The following POLN variants were observed in gnomAD, a reference collection of about 807,000 sequenced individuals.
The protein encoded by POLN is DNA polymerase nu.
A neutral mutation model predicts 113.5 loss-of-function variants in POLN; 108 were observed. The observed-to-expected ratio is 0.95, with a 90% CI of 0.81 to 1.12. POLN has a LOEUF of 1.12. Among genes scored for constraint, POLN ranks in the 50% most tolerant of loss-of-function variants. The pLI is 0.00. For missense variants in POLN, 1,097 were observed against 1,077.1 expected, an observed-to-expected ratio of 1.02 and a Z score of -0.26; for synonymous variants, 386 against 391.5, an observed-to-expected ratio of 0.99 and a Z score of 0.17.
chr4:2,234,781 T>C (rs2108777241), intron 2 of POLN, among the ~76,000 whole-genome samples: 1 of 152,324 alleles, frequency 6.6e-6, no homozygotes, highest in Admixed American at 6.5e-5. Flanking sequence ...TTCACTGCAA[T>C]TTAAAACGAC....
At chr4:2,145,362 G>A (rs1732110310) in intron 16 of POLN, among the ~76,000 whole-genome samples, 1 of 151,926 alleles carries the variant, frequency 6.6e-6, no homozygotes, top group Non-Finnish European at 1.5e-5. Context: ...TCCAATCTGA[G>A]AAAAACAAAC....
chr4:2,113,284 C>G (rs1394257148), intron 19 of POLN, among the ~76,000 whole-genome samples: 1 of 149,470 alleles, frequency 6.7e-6, no homozygotes, highest in African/African-American at 2.5e-5. Flanking sequence ...ATACCTAATG[C>G]TAAATGACGA....
intron 19 of POLN, among the ~76,000 whole-genome samples, chr4:2,104,375 CAT>C (rs1264545982): frequency 1.3e-5 from 2 of 152,136 alleles, no homozygotes; most frequent in Non-Finnish European, 1.5e-5. Context: ...TTTGTGTGGA[CAT>C]ATGTTTCCAT....
chr4:2,117,249 C>G (rs1731339647), intron 19 of POLN, among the ~76,000 whole-genome samples: 1 of 152,230 alleles, frequency 6.6e-6, no homozygotes. Flanking sequence ...ATTCACATCA[C>G]TGGCTGAAGC....
chr4:2,131,454 T>C (rs905227710), intron 16 of POLN, among the ~76,000 whole-genome samples, 164 bp from the exon 17 acceptor site: 2 of 152,206 alleles, frequency 1.3e-5, no homozygotes, highest in Non-Finnish European at 2.9e-5. Context: ...TATCAAAACA[T>C]AATTTTGGTG....
intron 13 of POLN, among the ~76,000 whole-genome samples, chr4:2,163,187 T>C (rs897036382): frequency 6.6e-6 from 1 of 152,012 alleles, no homozygotes; most frequent in Non-Finnish European, 1.5e-5. Flanking sequence ...AACACAAGAG[T>C]TGTGGCCATA....
At chr4:2,165,977 A>T (rs1732719308) in intron 13 of POLN, among the ~76,000 whole-genome samples, 1 of 151,984 alleles carries the variant, frequency 6.6e-6, no homozygotes, top group Non-Finnish European at 1.5e-5. Flanking sequence ...TGGTCTCACT[A>T]TGTTGCCCAG....
chr4:2,236,349 T>C (rs767518155), intron 2 of POLN: 14 of 1,613,024 alleles, frequency 8.7e-6, no homozygotes, highest in Non-Finnish European at 1.1e-5. Flanking sequence ...CAACTGATCT[T>C]GTACTAAAGA....
chr4:2,072,381 G>T, intron 25 of POLN, 82 bp from the exon 26 acceptor site: 2 of 1,227,816 alleles, frequency 1.6e-6, no homozygotes, highest in Non-Finnish European at 1.1e-6. Flanking sequence ...AGGGGGACAG[G>T]GCCTACAGCA....
At position 2,163,782 on chromosome 4, in the gene POLN, G is replaced by A. The variant is rs562879559; in HGVS notation, c.1555-4571C>T. Among the ~76,000 whole-genome samples the A allele has an allele frequency of 3.4e-4, 52 of 152,310 alleles. 1 individual carries two copies. Among genetic ancestry groups the A allele is most frequent in the South Asian group, 2.1e-4 (1 of 4,820 alleles). On this transcript the variant is annotated intron_variant, in intron 13 of 25. Transcript: ENST00000511885. Reference sequence around the variant, plus strand: ...GGGCAGAGGACCATTATCCCAGGGCGACTTTAGTAAAAATCAGCTGGCAGC... The same window carrying A: ...GGGCAGAGGACCATTATCCCAGGGCAACTTTAGTAAAAATCAGCTGGCAGC...
At chr4:2,234,331 C>T (rs977410118) in intron 2 of POLN, 7 of 152,468 alleles carry the variant, frequency 4.6e-5, no homozygotes, top group African/African-American at 1.4e-4. Context: ...AGAACCAGAA[C>T]ATGAACTGCT....
intron 5 of POLN, among the ~76,000 whole-genome samples, chr4:2,199,441 C>T (rs1352144020): frequency 6.6e-6 from 1 of 152,086 alleles, no homozygotes; most frequent in Non-Finnish European, 1.5e-5. Flanking sequence ...AATACATCAA[C>T]ATCATTTGCT....
rs142005482 is a variant in POLN at position 2,123,457 on chromosome 4, C to T, written c.1982+4656G>A. ...CCTGGCCAACATAGTGGAACCCTCT[C>T]ACTACTAAAATTACAAAAATTAGCT... is the stretch of plus-strand genomic sequence containing the variant. On this transcript the variant is annotated intron_variant, in intron 19 of 25. Coordinates refer to ENST00000511885, the MANE Select transcript of POLN (RefSeq NM_181808.4). Among the ~76,000 whole-genome samples the T allele has an allele frequency of 1.2e-3, 188 of 151,886 alleles. 2 individuals carry two copies. Among genetic ancestry groups the T allele is most frequent in the Admixed American group, 2.6e-3 (40 of 15,262 alleles).
At chr4:2,155,139 T>A (rs1215499072) in intron 16 of POLN, among the ~76,000 whole-genome samples, 1 of 152,188 alleles carries the variant, frequency 6.6e-6, no homozygotes, top group East Asian at 1.9e-4. Context: ...AATTCCTAAA[T>A]AACTCTTAGA....
chr4:2,087,502 C>A (rs1171077676), intron 20 of POLN, among the ~76,000 whole-genome samples: 1 of 152,170 alleles, frequency 6.6e-6, no homozygotes, highest in East Asian at 1.9e-4. Context: ...CTGTTAAGCC[C>A]ATCTGGTGAA....
rs1731539103 is a variant in POLN, at chr4:2,124,797, T to C, written c.1982+3316A>G. ...CTGGGGGTGGGGTCCTCGTTGCTGT[T>C]GCTGGCCCTGGACCTCGGAGCCAGG... is the stretch of plus-strand genomic sequence containing the variant. On this transcript the variant is annotated intron_variant, in intron 19 of 25. Transcript: ENST00000511885. 2.6e-5 allele frequency among the ~76,000 whole-genome samples: 4 copies of C among 152,128 alleles called. No homozygotes were observed. In the South Asian group the frequency reaches 6.2e-4, roughly 24 times the overall value.
At chr4:2,105,660 G>A (rs1196200451) in intron 19 of POLN, among the ~76,000 whole-genome samples, 3 of 152,082 alleles carry the variant, frequency 2.0e-5, no homozygotes, top group Non-Finnish European at 2.9e-5. Flanking sequence ...AAGGCAGAGA[G>A]GGGGAGCTGA....
At chr4:2,132,860 T>C (rs1016627507) in intron 16 of POLN, among the ~76,000 whole-genome samples, 10 of 152,228 alleles carry the variant, frequency 6.6e-5, no homozygotes, top group Non-Finnish European at 1.5e-4. Flanking sequence ...TGAAGGGAAA[T>C]GCTTCCAAAG....
intron 8 of POLN, chr4:2,177,273 G>T: frequency 4.2e-6 from 2 of 479,754 alleles, no homozygotes; most frequent in Non-Finnish European, 8.3e-6. Context: ...AATCTTCTCT[G>T]GCTCCCCACA....
Sources: gnomAD v4.1 joint callset for allele counts (sites outside exome capture counted in the v4.1 genomes callset) on GRCh38, gnomAD v4.1.1 for gene constraint, MANE v1.5 for transcripts, NCBI Gene and HGNC (gene_info 2026-07-23, HGNC 2026-07-21) for gene names.